Variants in RXFP1 observed in about 807,000 individuals in gnomAD.
The protein encoded by RXFP1 is relaxin receptor 1.
RXFP1 carries 73 observed loss-of-function variants against 89.8 expected under a neutral mutation model. That is an observed-to-expected ratio of 0.81 (90% CI 0.67 to 0.99). RXFP1 has a LOEUF of 0.99. RXFP1 is among the 50% of genes least tolerant of loss of function. The pLI is 0.00. For missense variants in RXFP1, 793 were observed against 895.5 expected, an observed-to-expected ratio of 0.89 and a Z score of 1.46; for synonymous variants, 277 against 305.5, an observed-to-expected ratio of 0.91 and a Z score of 0.97.
At chr4:158,570,706 G>C (rs1266963963) in intron 1 of RXFP1, among the ~76,000 whole-genome samples, 4 of 152,070 alleles carry the variant, frequency 2.6e-5, no homozygotes, top group African/African-American at 9.7e-5. Flanking sequence ...CTCCATCCCA[G>C]TAGCCAGAAT....
chr4:158,565,296 A>C (rs918518757), intron 1 of RXFP1, among the ~76,000 whole-genome samples: 1 of 152,218 alleles, frequency 6.6e-6, no homozygotes, highest in Non-Finnish European at 1.5e-5. Context: ...ACTGGAGATG[A>C]ACTCATAGTT....
intron 2 of RXFP1, among the ~76,000 whole-genome samples, chr4:158,575,260 A>G (rs1254803343): frequency 1.3e-5 from 2 of 152,316 alleles, no homozygotes; most frequent in East Asian, 3.9e-4. Context: ...GACAGAGGCA[A>G]TAGGGCATTG....
At chr4:158,549,767 T>C (rs1331379268) in intron 1 of RXFP1, among the ~76,000 whole-genome samples, 3 of 152,188 alleles carry the variant, frequency 2.0e-5, no homozygotes, top group Non-Finnish European at 4.4e-5. Context: ...GAACAGCGGA[T>C]CTTGGTGAAC....
At chr4:158,629,382 A>G (rs1767579539) in intron 11 of RXFP1, among the ~76,000 whole-genome samples, 1 of 152,224 alleles carries the variant, frequency 6.6e-6, no homozygotes, top group Non-Finnish European at 1.5e-5. Flanking sequence ...GAAATTAGAC[A>G]CTACTGTGGA....
chr4:158,566,760 T>C (rs1311394784), intron 1 of RXFP1, among the ~76,000 whole-genome samples: 2 of 152,280 alleles, frequency 1.3e-5, no homozygotes, highest in African/African-American at 2.4e-5. Flanking sequence ...AATTTCATGA[T>C]ACCGAGAGGT....
rs759177839 is a variant in RXFP1 at position 158,644,880 on chromosome 4, T to A, written c.1116-29T>A. 7 of 1,477,568 alleles carry A rather than the reference T, an allele frequency of 4.7e-6. No homozygotes were observed. The East Asian group carries it at 1.6e-4, about 34-fold the overall frequency. 91.5% of individuals were successfully genotyped at this position (1,477,568 alleles called of 1,614,324 possible). A position where few individuals can be genotyped will look rare whatever the true frequency, so the allele number is the denominator to read the frequency against. Reference sequence around the variant, plus strand: ...TGGTGACACTGAATTAAATGGAAAATCTTATTTTACTTTCTCTTTGTACAC... The same window carrying A: ...TGGTGACACTGAATTAAATGGAAAAACTTATTTTACTTTCTCTTTGTACAC... On this transcript the variant is annotated intron_variant, in intron 14 of 17. Coordinates refer to ENST00000307765, the MANE Select transcript of RXFP1 (RefSeq NM_021634.4).
intron 1 of RXFP1, among the ~76,000 whole-genome samples, chr4:158,542,096 TATATATATATATA>T: frequency 2.3e-5 from 1 of 44,086 alleles, no homozygotes; most frequent in South Asian, 1.0e-3. Context: ...TATATATATA[TATATATATATATA>T]TTTTTTTTTT....
At chr4:158,578,694 A>C (rs1361577112) in intron 2 of RXFP1, among the ~76,000 whole-genome samples, 1 of 152,176 alleles carries the variant, frequency 6.6e-6, no homozygotes, top group African/African-American at 2.4e-5. Flanking sequence ...ACACTAACCC[A>C]ACCTTATCTG....
chr4:158,646,732 T>G (rs1262242816), intron 15 of RXFP1, 59 bp from the exon 16 acceptor site: 2 of 1,489,952 alleles, frequency 1.3e-6, no homozygotes, highest in African/African-American at 1.4e-5. Flanking sequence ...TTATTGCTTA[T>G]TGATGATTTT....
intron 3 of RXFP1, among the ~76,000 whole-genome samples, chr4:158,596,557 G>T (rs935519914): frequency 1.3e-5 from 2 of 152,142 alleles, no homozygotes; most frequent in African/African-American, 2.4e-5. Context: ...ACTGCGCCTG[G>T]TCTATTTCTT....
chr4:158,601,847 A>G (rs1377793079), intron 4 of RXFP1, among the ~76,000 whole-genome samples: 3 of 152,262 alleles, frequency 2.0e-5, no homozygotes, highest in Non-Finnish European at 2.9e-5. Context: ...ACAGGCAAAC[A>G]TAGATAGATA....
intron 5 of RXFP1, 50 bp downstream of exon 5, chr4:158,605,189 C>A: frequency 8.5e-7 from 1 of 1,170,446 alleles, no homozygotes; most frequent in African/African-American, 1.5e-5. Flanking sequence ...CATTTTTGGC[C>A]ATGTCTTTTT....
At chr4:158,650,585 A>G (rs1580354549) in intron 17 of RXFP1, among the ~76,000 whole-genome samples, 1 of 152,132 alleles carries the variant, frequency 6.6e-6, no homozygotes, top group African/African-American at 2.4e-5. Context: ...CCTGGCCAAC[A>G]TGGTGAAACC....
chr4:158,546,574 A>G (rs1748477614), intron 1 of RXFP1, among the ~76,000 whole-genome samples: 1 of 152,170 alleles, frequency 6.6e-6, no homozygotes, highest in African/African-American at 2.4e-5. Flanking sequence ...TCAGTATGAT[A>G]TTGGCTGTGG....
intron 1 of RXFP1, among the ~76,000 whole-genome samples, chr4:158,563,831 T>C (rs1471546226): frequency 6.7e-6 from 1 of 149,602 alleles, no homozygotes; most frequent in African/African-American, 2.4e-5. Context: ...GTAGCCATTA[T>C]AACATTATAA....
chr4:158,606,006 C>A (rs1381355612), intron 5 of RXFP1, among the ~76,000 whole-genome samples: 1 of 151,990 alleles, frequency 6.6e-6, no homozygotes, highest in Non-Finnish European at 1.5e-5. Flanking sequence ...TTCTAAAAAC[C>A]CAGATAGTCT....
chr4:158,637,142 C>G (rs559977430), intron 12 of RXFP1, among the ~76,000 whole-genome samples: 2 of 152,146 alleles, frequency 1.3e-5, no homozygotes, highest in East Asian at 3.9e-4. Context: ...TCAAGTCATC[C>G]TTTGATGGAC....
At chr4:158,539,424 T>C (rs1279640407) in intron 1 of RXFP1, among the ~76,000 whole-genome samples, 4 of 151,922 alleles carry the variant, frequency 2.6e-5, no homozygotes, top group Admixed American at 2.6e-4. Context: ...GGCACACTTA[T>C]ACATATGTAA....
chr4:158,635,625 T>C lies in RXFP1; in HGVS notation c.971+2149T>C, dbSNP rs184060573. The stretch of plus-strand genomic sequence containing the variant: ...ACTCTTAAGGGAAAGCTTTTGGTCT[T>C]TTACCATTGAGTGTGGGTTTTCATA... On this transcript the variant is annotated intron_variant, in intron 12 of 17. Transcript: ENST00000307765. Among the ~76,000 whole-genome samples, 483 of 152,338 alleles carry C rather than the reference T, an allele frequency of 3.2e-3. 1 individual carries two copies. Among genetic ancestry groups the C allele is most frequent in the African/African-American group, 0.011 (453 of 41,584 alleles).
Sources: gnomAD v4.1 joint callset for allele counts (sites outside exome capture counted in the v4.1 genomes callset) on GRCh38, gnomAD v4.1.1 for gene constraint, MANE v1.5 for transcripts, NCBI Gene and HGNC (gene_info 2026-07-23, HGNC 2026-07-21) for gene names.